MAP7: variants seen among roughly 807,000 people sequenced by gnomAD.
The protein encoded by MAP7 is ensconsin.
A neutral mutation model predicts 94.8 loss-of-function variants in MAP7; 52 were observed. The ratio of observed to expected loss-of-function variants is 0.55; its 90% CI spans 0.44 to 0.69. The LOEUF (loss-of-function observed/expected upper bound fraction) is 0.69. Ranked by LOEUF, MAP7 falls within the 30% of genes least tolerant of loss-of-function variation. The pLI, the probability that MAP7 is intolerant of heterozygous loss-of-function variation, is 0.00. For synonymous variants in MAP7, 350 were observed against 357.0 expected (o/e 0.98, Z 0.22); for missense variants, 940 against 964.6 (o/e 0.97, Z 0.34).
chr6:136,489,532 T>C (rs1447889951), intron 1 of MAP7, among the ~76,000 whole-genome samples: 2 of 137,776 alleles, frequency 1.5e-5, no homozygotes, highest in Non-Finnish European at 3.0e-5. Context: ...GTTTCTTTTT[T>C]TTTTTTTTTT....
At chr6:136,512,817 T>G (rs1332545196) in intron 1 of MAP7, among the ~76,000 whole-genome samples, 1 of 151,254 alleles carries the variant, frequency 6.6e-6, no homozygotes, top group Non-Finnish European at 1.5e-5. Flanking sequence ...AAGGCTGGGG[T>G]GCTGCGGCAA....
At chr6:136,389,795 A>G (rs920546296) in intron 3 of MAP7, among the ~76,000 whole-genome samples, 1 of 152,198 alleles carries the variant, frequency 6.6e-6, no homozygotes, top group Non-Finnish European at 1.5e-5. Flanking sequence ...TAGGTAGAAT[A>G]AGGCATTATT....
chr6:136,522,170 G>A (rs989264686), intron 1 of MAP7, among the ~76,000 whole-genome samples: 1 of 152,134 alleles, frequency 6.6e-6, no homozygotes, highest in African/African-American at 2.4e-5. Context: ...CACCTAAACA[G>A]TCTCTCCTAA....
intron 1 of MAP7, among the ~76,000 whole-genome samples, chr6:136,514,972 A>G (rs1216629932): frequency 1.3e-5 from 2 of 152,190 alleles, no homozygotes; most frequent in African/African-American, 4.8e-5. Context: ...CTGTCTATCA[A>G]CGTCCTAGAT....
At chr6:136,544,944 A>C (rs1395717072) in intron 1 of MAP7, among the ~76,000 whole-genome samples, 1 of 152,184 alleles carries the variant, frequency 6.6e-6, no homozygotes, top group Non-Finnish European at 1.5e-5. Flanking sequence ...CTTTGGGGTA[A>C]AGAACAAAAC....
intron 8 of MAP7, among the ~76,000 whole-genome samples, chr6:136,371,126 G>A (rs780815454): frequency 1.3e-4 from 20 of 152,078 alleles, no homozygotes; most frequent in Non-Finnish European, 2.5e-4. Flanking sequence ...AATAGAGAAA[G>A]AGGAAGGTAA....
intron 1 of MAP7, among the ~76,000 whole-genome samples, chr6:136,426,224 A>AACCCCC (rs1793094442): frequency 6.6e-6 from 1 of 152,204 alleles, no homozygotes. Flanking sequence ...CAAAAAAGCC[A>AACCCCC]ACCCCCTAAT....
At chr6:136,484,175 C>T (rs1813866523) in intron 1 of MAP7, among the ~76,000 whole-genome samples, 1 of 152,204 alleles carries the variant, frequency 6.6e-6, no homozygotes, top group Non-Finnish European at 1.5e-5. Flanking sequence ...AGGGCCAGGA[C>T]AGACCTCACA....
intron 1 of MAP7, among the ~76,000 whole-genome samples, chr6:136,540,274 G>A (rs1478978672): frequency 2.0e-5 from 3 of 152,112 alleles, no homozygotes; most frequent in African/African-American, 7.2e-5. Context: ...AGTCTCCAGA[G>A]CCAGGGACCT....
intron 1 of MAP7, chr6:136,466,672 T>C (rs2128927459): frequency 7.6e-7 from 1 of 1,316,430 alleles, no homozygotes. Context: ...GTTATAAGTA[T>C]TAATTTGTCA....
At chr6:136,484,615 T>C (rs755236744) in intron 1 of MAP7, among the ~76,000 whole-genome samples, 1 of 152,232 alleles carries the variant, frequency 6.6e-6, no homozygotes, top group Non-Finnish European at 1.5e-5. Flanking sequence ...TGTACTTGAA[T>C]ATAGATATTT....
chr6:136,462,908 G>A (rs1582987895), intron 1 of MAP7, among the ~76,000 whole-genome samples: 1 of 146,704 alleles, frequency 6.8e-6, no homozygotes, highest in South Asian at 2.2e-4. Context: ...GTTGCAGTGA[G>A]TCAAGATCGT....
At chr6:136,493,280 G>A (rs962875511) in intron 1 of MAP7, among the ~76,000 whole-genome samples, 15 of 152,060 alleles carry the variant, frequency 9.9e-5, no homozygotes, top group Non-Finnish European at 2.1e-4. Context: ...GTGCCACCAC[G>A]TCTGGCTAAT....
Position 136,476,499 on chromosome 6 carries a change from C to T in MAP7, c.68-54700G>A, listed in dbSNP as rs1810960996. ...AAATATAACTTCAAACATTTTAACT[C>T]ATTAATAGAATTTCAAAAATGAAAG... On this transcript the variant is annotated intron_variant, in intron 1 of 17. Coordinates refer to ENST00000354570, the MANE Select transcript of MAP7 (RefSeq NM_003980.6). Among the ~76,000 whole-genome samples the T allele has an allele frequency of 2.0e-5, 3 of 152,246 alleles. No homozygotes were observed. The South Asian group carries it at 6.2e-4, about 32-fold the overall frequency.
chr6:136,477,053 T>A (rs1384824481), intron 1 of MAP7, among the ~76,000 whole-genome samples: 1 of 152,214 alleles, frequency 6.6e-6, no homozygotes, highest in African/African-American at 2.4e-5. Context: ...AGAGAATATT[T>A]ACATGGTTTC....
intron 1 of MAP7, among the ~76,000 whole-genome samples, chr6:136,447,202 G>A (rs551609378): frequency 6.6e-6 from 1 of 152,322 alleles, no homozygotes; most frequent in African/African-American, 2.4e-5. Context: ...ATATACTGCT[G>A]AGGTCACATC....
chr6:136,496,420 GA>G (rs938385800), intron 1 of MAP7, among the ~76,000 whole-genome samples: 12 of 152,008 alleles, frequency 7.9e-5, no homozygotes, highest in African/African-American at 2.4e-4. Flanking sequence ...AAACAATGGG[GA>G]AAAAGTGTAA....
chr6:136,538,637 T>C (rs558456182), intron 1 of MAP7, among the ~76,000 whole-genome samples: 34 of 151,554 alleles, frequency 2.2e-4, no homozygotes, highest in South Asian at 4.2e-4. Flanking sequence ...AAAAAAAAAT[T>C]AGCTGGTGCT....
At chr6:136,402,932 A>G (rs1448698942) in intron 3 of MAP7, among the ~76,000 whole-genome samples, 51 of 145,110 alleles carry the variant, frequency 3.5e-4, no homozygotes, top group East Asian at 1.6e-3. Context: ...AAAAAAAAAA[A>G]AAAAAAAAAG....
Sources: gnomAD v4.1 joint callset for allele counts (sites outside exome capture counted in the v4.1 genomes callset) on GRCh38, gnomAD v4.1.1 for gene constraint, MANE v1.5 for transcripts, NCBI Gene and HGNC (gene_info 2026-07-23, HGNC 2026-07-21) for gene names.